TASP1: variants seen among roughly 807,000 people sequenced by gnomAD.
TASP1 encodes taspase 1, also known as threonine aspartase 1.
A neutral mutation model predicts 56.6 loss-of-function variants in TASP1; 16 were observed. The ratio of observed to expected loss-of-function variants is 0.28; its 90% CI spans 0.19 to 0.43. The LOEUF is 0.43. Among genes scored for constraint, TASP1 ranks in the 20% least tolerant of loss-of-function variants. TASP1 has a pLI of 1.00. For missense variants in TASP1, 393 were observed against 511.6 expected, an observed-to-expected ratio of 0.77 and a Z score of 2.24; for synonymous variants, 179 against 184.2, an observed-to-expected ratio of 0.97 and a Z score of 0.23.
the TASP1 span, among the ~76,000 whole-genome samples, chr20:13,313,101 C>T: frequency 6.6e-6 from 1 of 152,140 alleles, no homozygotes; most frequent in South Asian, 2.1e-4. Flanking sequence ...CATCCCACCA[C>T]CTTAACCAAT....
intron 13 of TASP1, among the ~76,000 whole-genome samples, chr20:13,402,970 G>A (rs939710629): frequency 2.0e-5 from 3 of 152,182 alleles, no homozygotes; most frequent in African/African-American, 7.2e-5. Flanking sequence ...CTGGATGGGT[G>A]AGCTTAAAAG....
chr20:13,241,947 C>A, the TASP1 span, among the ~76,000 whole-genome samples: 1 of 151,820 alleles, frequency 6.6e-6, no homozygotes, highest in East Asian at 1.9e-4. Flanking sequence ...AGTTGAGGGC[C>A]GTTGCAAGGA....
At chr20:13,476,605 G>T (rs780571373) in intron 11 of TASP1, among the ~76,000 whole-genome samples, 3 of 151,932 alleles carry the variant, frequency 2.0e-5, no homozygotes, top group Admixed American at 6.6e-5. Context: ...TGATAGCAAG[G>T]CTGTTTTATT....
At chr20:13,145,639 T>C in the TASP1 span, among the ~76,000 whole-genome samples, 5 of 151,992 alleles carry the variant, frequency 3.3e-5, no homozygotes, top group Admixed American at 6.6e-5. Context: ...AAAAAAAAGA[T>C]TTTAAAATTC....
chr20:13,365,104 ATGT>A, the TASP1 span, among the ~76,000 whole-genome samples: 1 of 152,208 alleles, frequency 6.6e-6, no homozygotes, highest in Non-Finnish European at 1.5e-5. Context: ...TTTTCATATA[ATGT>A]TTGGCTATAA....
chr20:13,547,158 C>T (rs2045837638), intron 8 of TASP1, among the ~76,000 whole-genome samples: 1 of 152,194 alleles, frequency 6.6e-6, no homozygotes, highest in Non-Finnish European at 1.5e-5. Context: ...ACAAAATGCT[C>T]ACGCTTCTAT....
At chr20:13,337,014 G>A in the TASP1 span, among the ~76,000 whole-genome samples, 16 of 152,166 alleles carry the variant, frequency 1.1e-4, no homozygotes, top group African/African-American at 3.9e-4. Flanking sequence ...TGTTTCCAAG[G>A]GAATCCATGA....
intron 4 of TASP1, among the ~76,000 whole-genome samples, chr20:13,617,339 C>G (rs1412578529): frequency 6.6e-6 from 1 of 151,984 alleles, no homozygotes; most frequent in African/African-American, 2.4e-5. Flanking sequence ...ATTGTAAGTA[C>G]TACAAAAGAA....
intron 12 of TASP1, among the ~76,000 whole-genome samples, chr20:13,430,388 C>T (rs1442765920): frequency 6.6e-6 from 1 of 152,172 alleles, no homozygotes; most frequent in East Asian, 1.9e-4. Context: ...CAAGATGTTG[C>T]CATAGACTGC....
At chr20:13,190,260 C>T in the TASP1 span, among the ~76,000 whole-genome samples, 1 of 152,030 alleles carries the variant, frequency 6.6e-6, no homozygotes, top group Non-Finnish European at 1.5e-5. Flanking sequence ...TGTAATAAAC[C>T]TGCATGTGTA....
chr20:13,118,621 C>T, the TASP1 span, among the ~76,000 whole-genome samples: 2 of 152,132 alleles, frequency 1.3e-5, no homozygotes, highest in African/African-American at 4.8e-5. Flanking sequence ...CTCAGACAAA[C>T]CTACACCTGT....
chr20:13,179,049 A>G, the TASP1 span, among the ~76,000 whole-genome samples: 1 of 152,150 alleles, frequency 6.6e-6, no homozygotes, highest in Non-Finnish European at 1.5e-5. Flanking sequence ...ATGTACAATT[A>G]TTTTTGTCAA....
At position 13,432,571 on chromosome 20, in the gene TASP1, CCT is replaced by C. The variant is rs1407850126; in HGVS notation, c.1096+2471_1096+2472del. 7.2e-5 allele frequency among the ~76,000 whole-genome samples: 11 copies of C among 152,282 alleles called. No individual in the cohort carries two copies. The East Asian group carries it at 2.1e-3, about 29-fold the overall frequency. ...GGTAGCATCTATAAGTTGACATTAG[CCT>C]ATGTTCGCCAGGTTTTAGTAGATAA... On this transcript the variant is annotated intron_variant, in intron 12 of 13. Coordinates refer to ENST00000337743, the MANE Select transcript of TASP1 (RefSeq NM_017714.3).
At chr20:13,251,440 T>G in the TASP1 span, among the ~76,000 whole-genome samples, 1 of 152,142 alleles carries the variant, frequency 6.6e-6, no homozygotes, top group African/African-American at 2.4e-5. Flanking sequence ...CGTCGTGGAA[T>G]CTCTGTTCAA....
the TASP1 span, chr20:13,279,665 C>G: frequency 1.2e-6 from 2 of 1,613,934 alleles, no homozygotes; most frequent in South Asian, 2.2e-5. Context: ...GGTCCTGACT[C>G]TGAAGCAGAT....
chr20:13,115,649 T>G, the TASP1 span, among the ~76,000 whole-genome samples: 4,945 of 152,264 alleles, frequency 0.032, 225 homozygotes, highest in African/African-American at 0.1. Context: ...GACACCCACA[T>G]GCCTCGCTCC....
the TASP1 span, among the ~76,000 whole-genome samples, chr20:13,381,508 G>A: frequency 6.6e-6 from 1 of 152,204 alleles, no homozygotes; most frequent in African/African-American, 2.4e-5. Flanking sequence ...GACTGGAGCT[G>A]TTCCTATTTG....
chr20:13,515,096 T>A (rs1204710358), intron 10 of TASP1, among the ~76,000 whole-genome samples: 1 of 152,176 alleles, frequency 6.6e-6, no homozygotes, highest in East Asian at 1.9e-4. Flanking sequence ...GTTAGCAGTT[T>A]GTTGTATTCA....
intron 11 of TASP1, among the ~76,000 whole-genome samples, chr20:13,467,510 A>G (rs2044309210): frequency 6.6e-6 from 1 of 151,642 alleles, no homozygotes; most frequent in African/African-American, 2.4e-5. Context: ...ATTTTTACCT[A>G]TAGCACTAGT....
Sources: allele counts gnomAD v4.1 joint callset (sites outside exome capture counted in the v4.1 genomes callset), GRCh38; gene constraint gnomAD v4.1.1; transcripts MANE v1.5; gene names NCBI Gene and HGNC (gene_info 2026-07-23, HGNC 2026-07-21).